Variants in LGSN observed in about 807,000 individuals in gnomAD.
LGSN encodes lengsin.
A neutral mutation model predicts 19.5 loss-of-function variants in LGSN; 21 were observed. The ratio of observed to expected loss-of-function variants is 1.07; its 90% CI spans 0.76 to 1.55. LGSN has a LOEUF of 1.55. LGSN is among the 40% of genes most tolerant of loss of function. LGSN has a pLI of 0.00. For missense variants in LGSN, 673 were observed against 608.5 expected (o/e 1.11, Z -1.12); for synonymous variants, 257 against 215.6 (o/e 1.19, Z -1.68).
chr6:63,352,474 A>G, the LGSN span, among the ~76,000 whole-genome samples: 3 of 152,110 alleles, frequency 2.0e-5, no homozygotes, highest in East Asian at 5.8e-4. Context: ...CAGCTCTGGC[A>G]ATATAGAGAG....
the LGSN span, among the ~76,000 whole-genome samples, chr6:63,346,274 T>C: frequency 6.6e-6 from 1 of 152,112 alleles, no homozygotes; most frequent in East Asian, 1.9e-4. Context: ...TAAGTCATGA[T>C]TTAAAGCCTG....
At chr6:63,485,563 C>T in the LGSN span, among the ~76,000 whole-genome samples, 1 of 152,102 alleles carries the variant, frequency 6.6e-6, no homozygotes, top group South Asian at 2.1e-4. Flanking sequence ...AATGGTATTG[C>T]TGCGCCAAAT....
upstream of LGSN, among the ~76,000 whole-genome samples, chr6:63,322,376 G>A (rs914370390): frequency 2.0e-5 from 3 of 152,152 alleles, no homozygotes; most frequent in Non-Finnish European, 4.4e-5. Context: ...TAATAGCCAA[G>A]TTCAGTGAAG....
the LGSN span, among the ~76,000 whole-genome samples, chr6:63,543,369 T>C: frequency 6.6e-6 from 1 of 152,222 alleles, no homozygotes; most frequent in Admixed American, 6.5e-5. Context: ...TCTTGGCACC[T>C]TTCAAAAGTT....
chr6:63,429,141 A>T, the LGSN span, among the ~76,000 whole-genome samples: 1 of 152,238 alleles, frequency 6.6e-6, no homozygotes, highest in South Asian at 2.1e-4. Context: ...CTGCAGTCTA[A>T]CTGAAGACAA....
At chr6:63,423,172 T>G in the LGSN span, among the ~76,000 whole-genome samples, 1 of 151,972 alleles carries the variant, frequency 6.6e-6, no homozygotes, top group Non-Finnish European at 1.5e-5. Context: ...CACAATGAGA[T>G]CCTGTCTCTA....
the LGSN span, among the ~76,000 whole-genome samples, chr6:63,464,493 G>A: frequency 6.7e-6 from 1 of 149,274 alleles, no homozygotes; most frequent in South Asian, 2.1e-4. Context: ...AATAAATAAA[G>A]TACCTAGCCT....
chr6:63,412,762 A>G, the LGSN span, among the ~76,000 whole-genome samples: 1 of 18,120 alleles, frequency 5.5e-5, no homozygotes, highest in South Asian at 1.5e-3. Flanking sequence ...AAAGAAAGAA[A>G]GAAAGAAAGG....
chr6:63,312,380 C>T (rs930772200), intron 1 of LGSN, among the ~76,000 whole-genome samples: 1 of 152,034 alleles, frequency 6.6e-6, no homozygotes, highest in Non-Finnish European at 1.5e-5. Context: ...GTTCTTAAGT[C>T]TCCAATGAAA....
chr6:63,540,635 AAAG>A, the LGSN span, among the ~76,000 whole-genome samples: 374 of 151,620 alleles, frequency 2.5e-3, 3 homozygotes, highest in African/African-American at 8.6e-3. Context: ...ACAAATGAAA[AAAG>A]AAAAGAAAAA....
chr6:63,484,690 C>T, the LGSN span, among the ~76,000 whole-genome samples: 1 of 152,214 alleles, frequency 6.6e-6, no homozygotes, highest in African/African-American at 2.4e-5. Flanking sequence ...TGCAGTTCTG[C>T]ATTCTAGACC....
At chr6:63,391,351 T>G in the LGSN span, among the ~76,000 whole-genome samples, 1 of 152,222 alleles carries the variant, frequency 6.6e-6, no homozygotes, top group Non-Finnish European at 1.5e-5. Flanking sequence ...GCTGGAACTG[T>G]AGCTCATTCA....
the LGSN span, among the ~76,000 whole-genome samples, chr6:63,507,231 T>C: frequency 1.0e-3 from 153 of 152,170 alleles, no homozygotes; most frequent in Non-Finnish European, 1.5e-3. Context: ...TAATGTACTG[T>C]GAGAATTCAT....
chr6:63,391,228 T>A, the LGSN span, among the ~76,000 whole-genome samples: 2 of 152,204 alleles, frequency 1.3e-5, no homozygotes, highest in Admixed American at 1.3e-4. Context: ...TCAATCCTAT[T>A]TGGGTTTGAG....
chr6:63,392,307 A>C, the LGSN span: 1 of 152,302 alleles, frequency 6.6e-6, no homozygotes, highest in African/African-American at 2.4e-5. Context: ...CCTCTGCTGC[A>C]GGCCTGCTTA....
chr6:63,555,968 G>A, the LGSN span, among the ~76,000 whole-genome samples: 1 of 152,036 alleles, frequency 6.6e-6, no homozygotes, highest in Middle Eastern at 3.2e-3. Flanking sequence ...TGGGATTATA[G>A]GAGTGAGCCA....
the LGSN span, among the ~76,000 whole-genome samples, chr6:63,401,237 T>TA: frequency 5.9e-4 from 84 of 141,392 alleles, no homozygotes; most frequent in South Asian, 1.3e-3. Flanking sequence ...TGCCAAAAAT[T>TA]AAAAAAAAAA....
At chr6:63,492,048 T>A in the LGSN span, among the ~76,000 whole-genome samples, 2 of 150,832 alleles carry the variant, frequency 1.3e-5, no homozygotes, top group Admixed American at 6.6e-5. Context: ...AAAAAAAAAA[T>A]TAACGTATGT....
At chr6:63,390,885 A>G in the LGSN span, among the ~76,000 whole-genome samples, 1 of 151,764 alleles carries the variant, frequency 6.6e-6, no homozygotes, top group African/African-American at 2.4e-5. Context: ...AAAGAAAAGA[A>G]AATTGGAATT....
Sources: allele counts gnomAD v4.1 joint callset (sites outside exome capture counted in the v4.1 genomes callset), GRCh38; gene constraint gnomAD v4.1.1; transcripts MANE v1.5; gene names NCBI Gene and HGNC (gene_info 2026-07-23, HGNC 2026-07-21).